MAPK4: variants seen among roughly 807,000 people sequenced by gnomAD.
The protein encoded by MAPK4 is Erk3-related.
In MAPK4, 22 loss-of-function variants were observed where a neutral mutation model predicts 47.7. The ratio of observed to expected loss-of-function variants is 0.46; its 90% CI spans 0.33 to 0.66. The LOEUF is 0.66. MAPK4 is among the 30% of genes least tolerant of loss of function. MAPK4 has a pLI of 0.02. For missense variants in MAPK4, 736 were observed against 831.7 expected (o/e 0.88, Z 1.42); for synonymous variants, 390 against 365.7 (o/e 1.07, Z -0.76).
At chr18:50,723,423 G>A (rs1422723679) in intron 4 of MAPK4, among the ~76,000 whole-genome samples, 2 of 152,208 alleles carry the variant, frequency 1.3e-5, no homozygotes, top group East Asian at 3.9e-4. Context: ...GTGCCAGGAT[G>A]GATGTCACAT....
intron 1 of MAPK4, among the ~76,000 whole-genome samples, chr18:50,648,103 G>GAGAA (rs1180982491): frequency 1.4e-5 from 2 of 142,048 alleles, no homozygotes; most frequent in East Asian, 4.0e-4. Flanking sequence ...AAGACCCAGA[G>GAGAA]AGAGAGAGAG....
At chr18:50,690,204 C>G (rs1243553354) in intron 2 of MAPK4, among the ~76,000 whole-genome samples, 1 of 152,198 alleles carries the variant, frequency 6.6e-6, no homozygotes, top group East Asian at 1.9e-4. Flanking sequence ...GAAGCTCTGG[C>G]CTTGCTTCTT....
intron 1 of MAPK4, among the ~76,000 whole-genome samples, chr18:50,622,641 A>G (rs1162489630): frequency 2.6e-5 from 4 of 152,194 alleles, no homozygotes; most frequent in Non-Finnish European, 4.4e-5. Flanking sequence ...ACATTGACAC[A>G]TGGGCTGAGA....
intron 1 of MAPK4, among the ~76,000 whole-genome samples, chr18:50,563,696 G>A (rs1017778127): frequency 1.3e-4 from 20 of 152,122 alleles, no homozygotes; most frequent in Non-Finnish European, 1.8e-4. Flanking sequence ...AGAAAGAGTC[G>A]GTAGGGTAGG....
chr18:50,622,122 T>C (rs1407238290), intron 1 of MAPK4, among the ~76,000 whole-genome samples: 1 of 152,080 alleles, frequency 6.6e-6, no homozygotes, highest in African/African-American at 2.4e-5. Flanking sequence ...CAAAAGTGGG[T>C]CAGACAGGCA....
intron 1 of MAPK4, among the ~76,000 whole-genome samples, chr18:50,655,341 T>G (rs2043097375): frequency 6.6e-6 from 1 of 152,120 alleles, no homozygotes; most frequent in Non-Finnish European, 1.5e-5. Flanking sequence ...GGTGTCCTGC[T>G]GGCTGGTGTT....
chr18:50,669,538 C>T (rs917306128), intron 2 of MAPK4: 4 of 152,208 alleles, frequency 2.6e-5, no homozygotes, highest in Admixed American at 6.5e-5. Flanking sequence ...ACCCTGGGCT[C>T]ACTAAACCTG....
chr18:50,584,641 A>C (rs1395687684), intron 1 of MAPK4, among the ~76,000 whole-genome samples: 1 of 152,208 alleles, frequency 6.6e-6, no homozygotes, highest in Non-Finnish European at 1.5e-5. Flanking sequence ...CCCAGGTAAT[A>C]ATAAGCCTTA....
chr18:50,696,565 G>A (rs1275947554), intron 2 of MAPK4, among the ~76,000 whole-genome samples: 1 of 152,186 alleles, frequency 6.6e-6, no homozygotes, highest in Admixed American at 6.5e-5. Flanking sequence ...GGTCTGAGAG[G>A]ATCCGCACAC....
intron 1 of MAPK4, among the ~76,000 whole-genome samples, chr18:50,658,315 T>A (rs924040596): frequency 6.6e-6 from 1 of 152,064 alleles, no homozygotes; most frequent in Non-Finnish European, 1.5e-5. Flanking sequence ...TGAGCCTAGA[T>A]GGTTTGTGGT....
At chr18:50,602,264 A>T (rs1057354796) in intron 1 of MAPK4, among the ~76,000 whole-genome samples, 1 of 152,192 alleles carries the variant, frequency 6.6e-6, no homozygotes, top group Admixed American at 6.5e-5. Context: ...TTTAACTATA[A>T]TGCCCTCCAC....
At chr18:50,571,338 C>T (rs1004237439) in intron 1 of MAPK4, among the ~76,000 whole-genome samples, 1 of 152,178 alleles carries the variant, frequency 6.6e-6, no homozygotes, top group African/African-American at 2.4e-5. Context: ...TAACCCCACT[C>T]CCAGGTAATT....
chr18:50,725,969 C>T lies in MAPK4; in HGVS notation c.861C>T (p.Asp287=). The T allele has an allele frequency of 6.2e-7, 1 of 1,614,182 alleles. No individual in the cohort carries two copies. The highest frequency in any genetic ancestry group is 2.2e-5 in the East Asian group (1 of 44,880). ...CGGCTTTGCTCCCTGCAGCCATCGA[C>T]TTTCTGGAGAAGATCCTGACCTTTA... ...LLPEVNSEAI[D]FLEKILTFNP... The change falls in exon 5 of 6, where the codon GAC becomes GAT. Residue 287 remains aspartate, a synonymous_variant. Coordinates refer to ENST00000400384, the MANE Select transcript of MAPK4 (RefSeq NM_002747.4).
rs182410790 is a variant in MAPK4 at position 50,595,139 on chromosome 18, G to C, written c.-871+34896G>C. On this transcript the variant is annotated intron_variant, in intron 1 of 5. Coordinates refer to ENST00000400384, the MANE Select transcript of MAPK4 (RefSeq NM_002747.4). The stretch of plus-strand genomic sequence containing the variant: ...AGTGATACAATTATCTTAGAGAACT[G>C]TTTGGCAATTCTTATAAGGTTAAAC... Among the ~76,000 whole-genome samples, 4 of 152,310 alleles carry C rather than the reference G, an allele frequency of 2.6e-5. No individual in the cohort carries two copies. The East Asian group carries it at 7.7e-4, about 29-fold the overall frequency.
At chr18:50,640,205 C>T (rs550002901) in intron 1 of MAPK4, among the ~76,000 whole-genome samples, 1 of 152,280 alleles carries the variant, frequency 6.6e-6, no homozygotes, top group East Asian at 1.9e-4. Flanking sequence ...AACAATGAAG[C>T]ATTTGGAAGG....
intron 1 of MAPK4, among the ~76,000 whole-genome samples, chr18:50,576,130 C>CT (rs1382969225): frequency 6.7e-5 from 2 of 30,030 alleles, no homozygotes; most frequent in South Asian, 1.6e-3. Flanking sequence ...CCCAGCAATC[C>CT]TTTTTTTTTG....
intron 2 of MAPK4, among the ~76,000 whole-genome samples, chr18:50,671,026 C>T (rs765475056): frequency 1.1e-4 from 17 of 152,228 alleles, no homozygotes; most frequent in Non-Finnish European, 2.2e-4. Flanking sequence ...TGTTTGCTGA[C>T]GCTTGGAGCT....
chr18:50,680,061 TTA>T (rs1337057749), intron 2 of MAPK4, among the ~76,000 whole-genome samples: 1 of 150,746 alleles, frequency 6.6e-6, no homozygotes, highest in African/African-American at 2.4e-5. Context: ...AACAGTGCTT[TTA>T]TATTTGCTTT....
intron 1 of MAPK4, among the ~76,000 whole-genome samples, chr18:50,570,523 T>G (rs1220288836): frequency 1.2e-3 from 180 of 152,316 alleles, no homozygotes; most frequent in Non-Finnish European, 1.8e-3. Context: ...CTGGGTAAGT[T>G]TCCTTCCATT....
Sources: gnomAD v4.1 joint callset for allele counts (sites outside exome capture counted in the v4.1 genomes callset) on GRCh38, gnomAD v4.1.1 for gene constraint, MANE v1.5 for transcripts, NCBI Gene and HGNC (gene_info 2026-07-23, HGNC 2026-07-21) for gene names.